ICE1: variants seen among roughly 807,000 people sequenced by gnomAD.
ICE1 encodes the protein interactor of little elongation complex ELL subunit 1.
ICE1 carries 64 observed loss-of-function variants against 192.7 expected under a neutral mutation model. The ratio of observed to expected loss-of-function variants is 0.33; its 90% CI spans 0.27 to 0.41. ICE1 has a LOEUF of 0.41. Among genes scored for constraint, ICE1 ranks in the 10% least tolerant of loss-of-function variants. ICE1 has a pLI of 1.00. For missense variants in ICE1, 2,708 were observed against 2,696.0 expected, an observed-to-expected ratio of 1.00 and a Z score of -0.10; for synonymous variants, 1,010 against 984.5, an observed-to-expected ratio of 1.03 and a Z score of -0.49.
chr5:5,470,133 C>T (rs566696604), intron 15 of ICE1, among the ~76,000 whole-genome samples: 1 of 152,236 alleles, frequency 6.6e-6, no homozygotes, highest in Admixed American at 6.5e-5. Flanking sequence ...AGAGAGTTAA[C>T]TGTTCCCAGA....
At chr5:5,436,029 ATGGT>A (rs1239639335) in intron 1 of ICE1, among the ~76,000 whole-genome samples, 1 of 151,822 alleles carries the variant, frequency 6.6e-6, no homozygotes, top group Non-Finnish European at 1.5e-5. Flanking sequence ...CATCTCCCCC[ATGGT>A]TTCTTTTTTG....
At chr5:5,480,596 A>G (rs2111403734) in intron 17 of ICE1, among the ~76,000 whole-genome samples, 1 of 152,282 alleles carries the variant, frequency 6.6e-6, no homozygotes, top group African/African-American at 2.4e-5. Context: ...AAATAAGGTT[A>G]GTGTTTGAGA....
chr5:5,439,906 G>T lies in ICE1; in HGVS notation c.190G>T (p.Ala64Ser), dbSNP rs767173202. ...YQKKCDELQFARRENSNLHHQ... is the reference protein window; with the variant it reads ...YQKKCDELQFSRRENSNLHHQ... ...TTAATAAGTTTTACAGCTGCAGTTTGCAAGAAGGTGAGCCAACCTGTTTCA... is the reference window on the plus strand; with the variant it reads ...TTAATAAGTTTTACAGCTGCAGTTTTCAAGAAGGTGAGCCAACCTGTTTCA... The change falls in exon 4 of 19, where the codon GCA becomes TCA. Residue 64 changes from alanine (A) to serine (S), a missense_variant. By Grantham distance (99) the Ala-to-Ser change is moderately conservative (BLOSUM62 1). This residue lies in a region of ICE1 where 2,366 missense variants were observed against 2,276.6 expected (regional missense o/e 1.04). Coordinates refer to ENST00000296564, the MANE Select transcript of ICE1 (RefSeq NM_015325.3). The T allele has an allele frequency of 1.3e-6, 2 of 1,556,644 alleles. 1 individual carries two copies. Among genetic ancestry groups the T allele is most frequent in the South Asian group, 2.4e-5 (2 of 83,210 alleles).
chr5:5,472,759 G>T (rs934864039), intron 15 of ICE1, among the ~76,000 whole-genome samples: 1 of 152,110 alleles, frequency 6.6e-6, no homozygotes, highest in Non-Finnish European at 1.5e-5. Context: ...AGTATATTGA[G>T]TATTATATGT....
At chr5:5,487,336 T>G (rs1168774702) in intron 18 of ICE1, among the ~76,000 whole-genome samples, 1 of 152,228 alleles carries the variant, frequency 6.6e-6, no homozygotes, top group Admixed American at 6.5e-5. Flanking sequence ...ATTTTATCTC[T>G]TGTGGGAGAA....
chr5:5,426,243 A>G (rs1288866020), intron 1 of ICE1, among the ~76,000 whole-genome samples: 1 of 152,228 alleles, frequency 6.6e-6, no homozygotes, highest in African/African-American at 2.4e-5. Context: ...TCAGGAGTTC[A>G]AGAACAGCTT....
At chr5:5,441,068 G>T (rs28405510) in intron 4 of ICE1, 44 bp from the exon 5 acceptor site, 2 of 1,200,562 alleles carry the variant, frequency 1.7e-6, no homozygotes, top group East Asian at 5.1e-5. Context: ...TTAATACTTC[G>T]TTATAGATCC....
chr5:5,424,517 T>C (rs1320610273), intron 1 of ICE1, among the ~76,000 whole-genome samples: 1 of 152,122 alleles, frequency 6.6e-6, no homozygotes, highest in Non-Finnish European at 1.5e-5. Flanking sequence ...AATTATGGCA[T>C]TAGGGGAGAA....
intron 14 of ICE1, 47 bp from the exon 15 acceptor site, chr5:5,468,781 A>T: frequency 8.7e-7 from 1 of 1,155,724 alleles, no homozygotes; most frequent in Non-Finnish European, 1.2e-6. Flanking sequence ...CAATTTATTT[A>T]CTCGATCATA....
At chr5:5,424,978 CAGA>C (rs2111325301) in intron 1 of ICE1, among the ~76,000 whole-genome samples, 2 of 152,272 alleles carry the variant, frequency 1.3e-5, no homozygotes, top group Middle Eastern at 3.4e-3. Flanking sequence ...GGCTTTTGTG[CAGA>C]AGAACTACTG....
intron 17 of ICE1, among the ~76,000 whole-genome samples, chr5:5,482,510 A>G (rs1739530941): frequency 6.6e-6 from 1 of 152,236 alleles, no homozygotes; most frequent in Admixed American, 6.5e-5. Context: ...TGCATGAGCA[A>G]GATGGGTGTG....
At chr5:5,423,074 C>A in intron 1 of ICE1, 75 bp downstream of exon 1, 1 of 1,025,322 alleles carries the variant, frequency 9.8e-7, no homozygotes, top group East Asian at 3.3e-5. Context: ...GATGTGGGGT[C>A]CGGCCGCGCG....
intron 1 of ICE1, among the ~76,000 whole-genome samples, chr5:5,434,025 C>G (rs1737799757): frequency 6.6e-6 from 1 of 151,714 alleles, no homozygotes; most frequent in African/African-American, 2.4e-5. Flanking sequence ...ACTTTTATCC[C>G]CAGGAATGTA....
rs143453538 is a variant in ICE1 at position 5,431,611 on chromosome 5, G to A, written c.85-4807G>A. The stretch of plus-strand genomic sequence containing the variant: ...GCTTGCTTTCTAGGTCTAGTTTTTC[G>A]TGTTGGTGTTGAAGTCTGAAGCCAT... On this transcript the variant is annotated intron_variant, in intron 1 of 18. Coordinates refer to ENST00000296564, the MANE Select transcript of ICE1 (RefSeq NM_015325.3). 2.8e-4 allele frequency among the ~76,000 whole-genome samples: 42 copies of A among 152,254 alleles called. No homozygotes were observed. The East Asian group carries it at 8.1e-3, about 29-fold the overall frequency.
At chr5:5,425,470 G>A (rs1215730484) in intron 1 of ICE1, among the ~76,000 whole-genome samples, 1 of 152,162 alleles carries the variant, frequency 6.6e-6, no homozygotes. Flanking sequence ...ACTGGAGTAG[G>A]GCCTTAGTTT....
At position 5,462,889 on chromosome 5, in the gene ICE1, G is replaced by A. The variant is rs1249459747; in HGVS notation, c.3555G>A (p.Gly1185=). 1 of 1,609,102 alleles carries A rather than the reference G, an allele frequency of 6.2e-7. No individual in the cohort carries two copies. The highest frequency in any genetic ancestry group is 8.5e-7 in the Non-Finnish European group (1 of 1,177,344). ...TGTTTCTTGAGAGCTGTCAGTTAGG[G>A]GATTATAGTTCAGGGGACTCTGTTT... The part of the protein sequence containing the change: ...VVMFLESCQL[G]DYSSGDSVSE... The change falls in exon 13 of 19, where the codon GGG becomes GGA. Residue 1185 remains glycine (G), a synonymous_variant. Transcript: ENST00000296564.
chr5:5,440,835 C>T (rs926756444), intron 4 of ICE1, among the ~76,000 whole-genome samples: 3 of 151,098 alleles, frequency 2.0e-5, no homozygotes, highest in East Asian at 1.9e-4. Flanking sequence ...TGCAGTGAGC[C>T]GTGGTGGTGC....
chr5:5,451,043 GTAAGTGAACAA>G (rs957925372), intron 10 of ICE1, among the ~76,000 whole-genome samples: 3 of 152,122 alleles, frequency 2.0e-5, no homozygotes, highest in African/African-American at 7.2e-5. Context: ...AAGTTGACTA[GTAAGTGAACAA>G]TAAAAAATAC....
Position 5,457,589 on chromosome 5 carries a change from A to C in ICE1, c.949A>C (p.Thr317Pro), listed in dbSNP as rs769039806. ...LVQSHRDGGS[T>P]EFVDHDHFFD... ...ACAAAGTCATCGTGACGGTGGTAGT[A>C]CTGAATTTGTTGATCATGATCATTT... The change falls in exon 12 of 19, where the codon ACT becomes CCT. Residue 317 changes from threonine (T) to proline (P), a missense_variant. This residue lies in a region of ICE1 where 2,366 missense variants were observed against 2,276.6 expected (regional missense o/e 1.04). Transcript: ENST00000296564. 1 of 1,613,940 alleles carries C rather than the reference A, an allele frequency of 6.2e-7. No homozygotes were observed. Among genetic ancestry groups the C allele is most frequent in the East Asian group, 2.2e-5 (1 of 44,876 alleles).
Sources: gnomAD v4.1 joint callset for allele counts (sites outside exome capture counted in the v4.1 genomes callset) on GRCh38, gnomAD v4.1.1 for gene constraint, gnomAD v4.1.1 regional missense constraint, MANE v1.5 for transcripts, NCBI Gene and HGNC (gene_info 2026-07-23, HGNC 2026-07-21) for gene names.